ADAMTSL1: variants seen among roughly 807,000 people sequenced by gnomAD.
ADAMTSL1 encodes the protein ADAMTS-like protein 1.
ADAMTSL1 carries 126 observed loss-of-function variants against 201.8 expected under a neutral mutation model. The ratio of observed to expected loss-of-function variants is 0.62; its 90% CI spans 0.54 to 0.72. The LOEUF (loss-of-function observed/expected upper bound fraction) is 0.72, where lower values mean the gene tolerates loss of function less well. Among genes scored for constraint, ADAMTSL1 ranks in the 30% least tolerant of loss-of-function variants. The pLI is 0.00. For missense variants in ADAMTSL1, 2,679 were observed against 2,277.8 expected, an observed-to-expected ratio of 1.18 and a Z score of -3.59; for synonymous variants, 1,121 against 903.4, an observed-to-expected ratio of 1.24 and a Z score of -4.32.
chr9:18,680,577 C>G, intron 11 of ADAMTSL1, 61 bp downstream of exon 11: 1 of 1,573,986 alleles, frequency 6.4e-7, no homozygotes, highest in Non-Finnish European at 8.7e-7. Context: ...CTCTCATCAT[C>G]ATGGCCCCAC....
At chr9:18,051,288 A>G (rs987892702) in intron 1 of ADAMTSL1, among the ~76,000 whole-genome samples, 2 of 152,130 alleles carry the variant, frequency 1.3e-5, no homozygotes, top group Non-Finnish European at 2.9e-5. Context: ...GCGACAGAGC[A>G]AGACTCCATC....
At chr9:18,825,993 G>T in intron 21 of ADAMTSL1, 1 of 558,486 alleles carries the variant, frequency 1.8e-6, no homozygotes, top group South Asian at 2.6e-5. Flanking sequence ...TCTTTGTACT[G>T]GCCTCCCTCT....
chr9:18,640,588 C>T (rs958500234), intron 7 of ADAMTSL1, among the ~76,000 whole-genome samples: 1 of 152,008 alleles, frequency 6.6e-6, no homozygotes, highest in Admixed American at 6.6e-5. Context: ...GCTTGAATAA[C>T]CCATAGGCAC....
intron 23 of ADAMTSL1, among the ~76,000 whole-genome samples, chr9:18,832,932 A>G (rs1246830870): frequency 2.6e-5 from 4 of 152,172 alleles, no homozygotes; most frequent in Non-Finnish European, 5.9e-5. Flanking sequence ...GGGGGAAAGG[A>G]GAGTTGGAGT....
intron 1 of ADAMTSL1, among the ~76,000 whole-genome samples, chr9:17,988,746 T>C (rs1819025761): frequency 6.6e-6 from 1 of 152,008 alleles, no homozygotes; most frequent in Non-Finnish European, 1.5e-5. Context: ...TGAACTCTTT[T>C]CCTTTTTCAG....
At chr9:18,554,872 A>G (rs1430074637) in intron 3 of ADAMTSL1, among the ~76,000 whole-genome samples, 1 of 151,766 alleles carries the variant, frequency 6.6e-6, no homozygotes, top group Non-Finnish European at 1.5e-5. Flanking sequence ...ACATTGACAC[A>G]TGATCAGCTA....
intron 8 of ADAMTSL1, among the ~76,000 whole-genome samples, chr9:18,658,816 G>T: frequency 1.3e-5 from 2 of 152,060 alleles, no homozygotes; most frequent in South Asian, 2.1e-4. Context: ...TAACTTTTAT[G>T]CTTTTATAAT....
chr9:18,682,825 T>C (rs1281199329), intron 12 of ADAMTSL1, among the ~76,000 whole-genome samples: 4 of 152,164 alleles, frequency 2.6e-5, no homozygotes, highest in Non-Finnish European at 5.9e-5. Flanking sequence ...AAAATCTAAA[T>C]TAATGATATA....
At chr9:18,027,443 T>A (rs1262502314) in intron 1 of ADAMTSL1, among the ~76,000 whole-genome samples, 2 of 152,000 alleles carry the variant, frequency 1.3e-5, no homozygotes, top group African/African-American at 4.8e-5. Flanking sequence ...TTTTTTTTTT[T>A]TTATTTCTGC....
At chr9:18,645,138 G>C (rs1005227847) in intron 7 of ADAMTSL1, among the ~76,000 whole-genome samples, 4 of 152,196 alleles carry the variant, frequency 2.6e-5, no homozygotes, top group African/African-American at 9.7e-5. Context: ...CTGAGGGCCA[G>C]TGATGATGAG....
At chr9:18,748,196 C>T (rs933648860) in intron 15 of ADAMTSL1, among the ~76,000 whole-genome samples, 8 of 152,164 alleles carry the variant, frequency 5.3e-5, no homozygotes, top group African/African-American at 1.9e-4. Flanking sequence ...CTGGGGAAAC[C>T]AGCCTCCCAA....
In ADAMTSL1 at chr9:18,515,156, A is replaced by T. The variant is rs553942203; in HGVS notation, c.191+10200A>T. ...CCTACCAAAGAACAGTTAAATTAGG[A>T]TCTCTTGGGGTAGATTCCTGACATC... On this transcript the variant is annotated intron_variant, in intron 2 of 28. Transcript: ENST00000380548. 5.2e-4 allele frequency among the ~76,000 whole-genome samples: 79 copies of T among 152,250 alleles called. 2 individuals are homozygous for T. In the South Asian group the frequency reaches 0.016, roughly 30 times the overall value.
At chr9:18,285,251 A>T (rs12353343) in intron 2 of ADAMTSL1, among the ~76,000 whole-genome samples, 1 of 151,920 alleles carries the variant, frequency 6.6e-6, no homozygotes, top group Non-Finnish European at 1.5e-5. Flanking sequence ...GAATAAAATC[A>T]TAATAGCATT....
chr9:17,924,986 A>T (rs1826466567), intron 1 of ADAMTSL1, among the ~76,000 whole-genome samples: 1 of 126,744 alleles, frequency 7.9e-6, no homozygotes, highest in African/African-American at 2.8e-5. Context: ...AGAATCTACA[A>T]TGAACTCAAA....
chr9:18,410,724 TG>T (rs1214164956), intron 2 of ADAMTSL1, among the ~76,000 whole-genome samples: 1 of 152,232 alleles, frequency 6.6e-6, no homozygotes, highest in Non-Finnish European at 1.5e-5. Flanking sequence ...TGCATTCCTT[TG>T]GGTATATACC....
chr9:18,148,749 T>A (rs1826771951), intron 1 of ADAMTSL1, among the ~76,000 whole-genome samples: 1 of 152,056 alleles, frequency 6.6e-6, no homozygotes, highest in African/African-American at 2.4e-5. Context: ...TTTAACACAT[T>A]TGGTAATATA....
chr9:18,550,964 A>C (rs1820766682), intron 3 of ADAMTSL1, among the ~76,000 whole-genome samples: 1 of 151,960 alleles, frequency 6.6e-6, no homozygotes, highest in Non-Finnish European at 1.5e-5. Context: ...GTACATTTTA[A>C]AATTTTAAAT....
intron 2 of ADAMTSL1, among the ~76,000 whole-genome samples, chr9:18,377,306 A>G (rs187361094): frequency 1.2e-4 from 18 of 152,364 alleles, no homozygotes; most frequent in African/African-American, 3.8e-4. Context: ...AGTGCATAGA[A>G]TAGTGTCTGG....
Position 18,538,736 on chromosome 9 carries a change from G to A in ADAMTSL1, c.237+5444G>A, listed in dbSNP as rs557393740. On this transcript the variant is annotated intron_variant, in intron 3 of 28. Transcript: ENST00000380548. ...ATGGCATTCACAGAGTTGTTCATGTGGTTATTAACAGTGGGCGTAAGGTAA... is the reference window on the plus strand; with the variant it reads ...ATGGCATTCACAGAGTTGTTCATGTAGTTATTAACAGTGGGCGTAAGGTAA... Among the ~76,000 whole-genome samples, 268 of 152,196 alleles carry A rather than the reference G, an allele frequency of 1.8e-3. 1 individual carries two copies. The highest frequency in any genetic ancestry group is 6.2e-3 in the African/African-American group (256 of 41,530).
Sources: allele counts gnomAD v4.1 joint callset (sites outside exome capture counted in the v4.1 genomes callset), GRCh38; gene constraint gnomAD v4.1.1; transcripts MANE v1.5; gene names NCBI Gene and HGNC (gene_info 2026-07-23, HGNC 2026-07-21).